The following FSTL4 variants were observed in gnomAD, a reference collection of about 807,000 sequenced individuals.
The protein encoded by FSTL4 is follistatin-related protein 4.
A neutral mutation model predicts 78.2 loss-of-function variants in FSTL4; 28 were observed. That is an observed-to-expected ratio of 0.36 (90% CI 0.27 to 0.49). FSTL4 has a LOEUF of 0.49. Among genes scored for constraint, FSTL4 ranks in the 20% least tolerant of loss-of-function variants. The pLI is 0.98. For missense variants in FSTL4, 922 were observed against 1,084.9 expected (o/e 0.85, Z 2.11); for synonymous variants, 422 against 440.5 (o/e 0.96, Z 0.53).
chr5:133,242,059 C>A (rs1751890682), intron 7 of FSTL4, among the ~76,000 whole-genome samples: 1 of 152,282 alleles, frequency 6.6e-6, no homozygotes, highest in Admixed American at 6.5e-5. Context: ...TTGGCAAAAC[C>A]CATCAAAACT....
the FSTL4 span, among the ~76,000 whole-genome samples, chr5:133,637,739 T>C: frequency 5.3e-5 from 8 of 151,888 alleles, no homozygotes; most frequent in African/African-American, 1.5e-4. Context: ...TCTTCATGGG[T>C]TTTGTCACCT....
At chr5:133,631,063 G>A in the FSTL4 span, among the ~76,000 whole-genome samples, 37,406 of 151,914 alleles carry the variant, frequency 0.25, 5,949 homozygotes, top group African/African-American at 0.46. Flanking sequence ...AAACCTAGGC[G>A]ATACCATTCA....
At chr5:133,417,305 A>G (rs539432430) in intron 3 of FSTL4, among the ~76,000 whole-genome samples, 1 of 152,234 alleles carries the variant, frequency 6.6e-6, no homozygotes, top group African/African-American at 2.4e-5. Context: ...AGACAGGTCA[A>G]TAATAAAAAA....
At position 133,225,419 on chromosome 5, in the gene FSTL4, C is replaced by A. The variant is rs528844129; in HGVS notation, c.1178-135G>T. The A allele has an allele frequency of 7.6e-4, 808 of 1,061,572 alleles. No homozygotes were observed. The highest frequency in any genetic ancestry group is 1.1e-3 in the Non-Finnish European group (767 of 723,350). 65.8% of individuals were successfully genotyped at this position (1,061,572 alleles called of 1,614,324 possible). ...GCCCTGATTATACGCCCAGGAAGGG[C>A]TGGCACATCTGAAATGCACTGAGGG... is the stretch of plus-strand genomic sequence containing the variant. On this transcript the variant is annotated intron_variant, in intron 9 of 15. Transcript: ENST00000265342. The surrounding 1 kb of genome is among the most constrained non-coding windows in gnomAD (Gnocchi z 4.6).
At chr5:133,583,242 G>A in intron 2 of FSTL4, 1 of 455,798 alleles carries the variant, frequency 2.2e-6, no homozygotes, top group Non-Finnish European at 4.4e-6. Flanking sequence ...AACCAACTTG[G>A]CTGCCAATGC....
chr5:133,817,787 G>A, the FSTL4 span, among the ~76,000 whole-genome samples: 3 of 152,190 alleles, frequency 2.0e-5, no homozygotes, highest in Non-Finnish European at 4.4e-5. Context: ...GGAGGGGCAG[G>A]TGAAAGCTGG....
chr5:133,826,506 A>G, the FSTL4 span, among the ~76,000 whole-genome samples: 1 of 152,170 alleles, frequency 6.6e-6, no homozygotes, highest in African/African-American at 2.4e-5. Context: ...GGTGGCCATC[A>G]GCATTCCTTG....
chr5:133,507,773 G>A (rs944096144), intron 3 of FSTL4, among the ~76,000 whole-genome samples: 3 of 151,572 alleles, frequency 2.0e-5, no homozygotes, highest in Admixed American at 1.3e-4. Flanking sequence ...CGCCCTCCTC[G>A]GCCTCCTAAA....
At chr5:133,661,921 A>T in the FSTL4 span, among the ~76,000 whole-genome samples, 64 of 152,346 alleles carry the variant, frequency 4.2e-4, no homozygotes, top group South Asian at 1.2e-3. Flanking sequence ...CTCATCGTGT[A>T]TTCAACAGAT....
At chr5:133,740,185 G>A in the FSTL4 span, among the ~76,000 whole-genome samples, 6 of 152,160 alleles carry the variant, frequency 3.9e-5, no homozygotes, top group East Asian at 9.7e-4. Flanking sequence ...CACCCAGTCC[G>A]AAACATAAGC....
In FSTL4 at chr5:133,574,112, T is replaced by C. The variant is rs58978882; in HGVS notation, c.127-6893A>G. 4.3e-3 allele frequency among the ~76,000 whole-genome samples: 658 copies of C among 152,332 alleles called. 7 individuals are homozygous for C. Among genetic ancestry groups the C allele is most frequent in the African/African-American group, 0.015 (616 of 41,572 alleles). On this transcript the variant is annotated intron_variant, in intron 2 of 15. Transcript: ENST00000265342. The stretch of plus-strand genomic sequence containing the variant: ...ATGAAAAGGGAAGCCATTAAGGAAA[T>C]ATATTTGCAATCCATATATCTTACG...
chr5:133,523,145 C>T (rs941447599), intron 3 of FSTL4, among the ~76,000 whole-genome samples: 2 of 152,122 alleles, frequency 1.3e-5, no homozygotes, highest in Admixed American at 6.5e-5. Context: ...AGACGCCAGC[C>T]GTCTCTCTCC....
intron 3 of FSTL4, among the ~76,000 whole-genome samples, chr5:133,406,213 A>G (rs1051312021): frequency 5.9e-5 from 9 of 152,164 alleles, no homozygotes; most frequent in Non-Finnish European, 1.0e-4. Flanking sequence ...GGAAGGAGAG[A>G]GTGGAGCACC....
chr5:133,265,820 C>T (rs1025338287), intron 6 of FSTL4, among the ~76,000 whole-genome samples: 4 of 152,116 alleles, frequency 2.6e-5, no homozygotes, highest in African/African-American at 9.7e-5. Flanking sequence ...GATGTGAAAG[C>T]GGAGACCCAG....
At chr5:133,507,683 C>T (rs1027318202) in intron 3 of FSTL4, among the ~76,000 whole-genome samples, 3 of 151,756 alleles carry the variant, frequency 2.0e-5, no homozygotes, top group Admixed American at 6.6e-5. Context: ...ACACCATGCC[C>T]GGCTAATTTT....
At chr5:133,448,239 C>T (rs1757306635) in intron 3 of FSTL4, among the ~76,000 whole-genome samples, 1 of 152,232 alleles carries the variant, frequency 6.6e-6, no homozygotes, top group Non-Finnish European at 1.5e-5. Flanking sequence ...TCTGTTCACT[C>T]TGTAGTCACA....
chr5:133,436,154 A>G (rs1757027794), intron 3 of FSTL4, among the ~76,000 whole-genome samples: 2 of 152,224 alleles, frequency 1.3e-5, no homozygotes, highest in Non-Finnish European at 2.9e-5. Flanking sequence ...CAATAGTTTC[A>G]TAAGTATATG....
chr5:133,468,881 G>A (rs1197167588), intron 3 of FSTL4, among the ~76,000 whole-genome samples: 2 of 152,220 alleles, frequency 1.3e-5, no homozygotes, highest in African/African-American at 4.8e-5. Flanking sequence ...CACACACGAG[G>A]GAAGAGCTGA....
At chr5:133,593,351 T>A (rs75831521) in intron 2 of FSTL4, among the ~76,000 whole-genome samples, 13 of 152,196 alleles carry the variant, frequency 8.5e-5, no homozygotes, top group African/African-American at 3.1e-4. Flanking sequence ...TGGAACCACT[T>A]CAGGGGAGAG....
Sources: allele counts gnomAD v4.1 joint callset (sites outside exome capture counted in the v4.1 genomes callset), GRCh38; gene constraint gnomAD v4.1.1; non-coding constraint Gnocchi (gnomAD v3.1); transcripts MANE v1.5; gene names NCBI Gene and HGNC (gene_info 2026-07-23, HGNC 2026-07-21).